KCNH5: variants seen among roughly 807,000 people sequenced by gnomAD.
KCNH5 encodes the protein potassium voltage-gated channel subfamily H member 5, also known as voltage-gated delayed rectifier potassium channel KCNH5.
KCNH5 carries 46 observed loss-of-function variants against 96.1 expected under a neutral mutation model. That is an observed-to-expected ratio of 0.48 (90% confidence interval 0.38 to 0.61). The LOEUF (loss-of-function observed/expected upper bound fraction) is 0.61, where lower values mean the gene tolerates loss of function less well. Among genes scored for constraint, KCNH5 ranks in the 20% least tolerant of loss-of-function variants. The probability of loss-of-function intolerance (pLI) is 0.00; values close to 1 mark genes in which losing one functional copy is unlikely to be tolerated. For missense variants in KCNH5, 907 were observed against 1,225.8 expected, an observed-to-expected ratio of 0.74 and a Z score of 3.88; for synonymous variants, 439 against 449.8, an observed-to-expected ratio of 0.98 and a Z score of 0.30.
rs540480282 is a variant in KCNH5 at position 63,026,110 on chromosome 14, A to G, written c.74-9156T>C. On this transcript the variant is annotated intron_variant, in intron 1 of 10. Coordinates refer to ENST00000322893, the MANE Select transcript of KCNH5 (RefSeq NM_139318.5). ...GCAAAGATACCAAAAACATACAATG[A>G]GGAAAGGGCAATCTCTTCAATCAAG... is the stretch of plus-strand genomic sequence containing the variant. Among the ~76,000 whole-genome samples, 8 of 152,166 alleles carry G rather than the reference A, an allele frequency of 5.3e-5. No homozygotes were observed. The South Asian group carries it at 1.7e-3, about 32-fold the overall frequency.
At chr14:62,852,341 T>A (rs1301093201) in intron 7 of KCNH5, among the ~76,000 whole-genome samples, 1 of 152,218 alleles carries the variant, frequency 6.6e-6, no homozygotes, top group African/African-American at 2.4e-5. Flanking sequence ...CATTTTCATG[T>A]GAATGTAGGG....
intron 7 of KCNH5, among the ~76,000 whole-genome samples, chr14:62,929,607 T>C (rs1346294014): frequency 1.3e-5 from 2 of 152,108 alleles, no homozygotes; most frequent in South Asian, 2.1e-4. Context: ...AATGAGGACA[T>C]AGACTTTAAT....
chr14:62,726,896 G>T (rs1298743908), intron 10 of KCNH5, among the ~76,000 whole-genome samples: 2 of 152,182 alleles, frequency 1.3e-5, no homozygotes, highest in African/African-American at 4.8e-5. Context: ...AGTGTATTCA[G>T]TTGGTACAAA....
intron 10 of KCNH5, among the ~76,000 whole-genome samples, chr14:62,740,943 C>G (rs1295352339): frequency 6.6e-6 from 1 of 152,102 alleles, no homozygotes; most frequent in African/African-American, 2.4e-5. Context: ...GTTAACTAAA[C>G]TTACTTTGCT....
intron 7 of KCNH5, among the ~76,000 whole-genome samples, chr14:62,871,774 G>A (rs543123165): frequency 7.4e-4 from 112 of 152,320 alleles, no homozygotes; most frequent in Non-Finnish European, 1.2e-3. Context: ...CAGTGTGTAA[G>A]AGATGGGCTG....
chr14:62,903,416 T>A (rs943247552), intron 7 of KCNH5, among the ~76,000 whole-genome samples: 1 of 152,208 alleles, frequency 6.6e-6, no homozygotes, highest in African/African-American at 2.4e-5. Context: ...CGACTGTCCA[T>A]TTTGAAGCAA....
chr14:62,846,319 C>A (rs1887690565), intron 8 of KCNH5, among the ~76,000 whole-genome samples: 1 of 152,070 alleles, frequency 6.6e-6, no homozygotes, highest in Admixed American at 6.5e-5. Context: ...AGGTAATTAA[C>A]CTTTCACTTG....
At chr14:62,900,202 A>G (rs766356134) in intron 7 of KCNH5, among the ~76,000 whole-genome samples, 4 of 152,242 alleles carry the variant, frequency 2.6e-5, no homozygotes, top group Non-Finnish European at 5.9e-5. Flanking sequence ...ATAATTGTCA[A>G]CAATTAGGAA....
intron 4 of KCNH5, among the ~76,000 whole-genome samples, chr14:62,999,238 C>T (rs542105650): frequency 5.0e-4 from 76 of 152,192 alleles, no homozygotes; most frequent in African/African-American, 1.6e-3. Flanking sequence ...CTAACTGGTG[C>T]GAGATGGTAT....
At chr14:62,937,477 C>A (rs1005511344) in intron 7 of KCNH5, among the ~76,000 whole-genome samples, 1 of 152,154 alleles carries the variant, frequency 6.6e-6, no homozygotes, top group Non-Finnish European at 1.5e-5. Flanking sequence ...GGTTTGCACC[C>A]TTGGCCACCC....
chr14:62,897,858 G>A (rs1242918993), intron 7 of KCNH5, among the ~76,000 whole-genome samples: 1 of 152,082 alleles, frequency 6.6e-6, no homozygotes, highest in African/African-American at 2.4e-5. Flanking sequence ...TGAGGGGGAG[G>A]GGTGGTAATT....
intron 7 of KCNH5, among the ~76,000 whole-genome samples, chr14:62,895,384 G>A (rs940433194): frequency 3.3e-5 from 5 of 151,504 alleles, no homozygotes; most frequent in Non-Finnish European, 5.9e-5. Flanking sequence ...AGGCTGGAGT[G>A]CAATGGCATA....
At chr14:62,833,821 T>G (rs1378991936) in intron 8 of KCNH5, among the ~76,000 whole-genome samples, 1 of 152,050 alleles carries the variant, frequency 6.6e-6, no homozygotes, top group African/African-American at 2.4e-5. Context: ...CTTTATCATA[T>G]ATAAAATCTC....
chr14:62,905,828 T>C (rs1889016429), intron 7 of KCNH5, among the ~76,000 whole-genome samples: 1 of 152,200 alleles, frequency 6.6e-6, no homozygotes. Context: ...TTCAACGCCA[T>C]GATAAAAGAG....
chr14:62,999,516 T>C (rs996137362), intron 4 of KCNH5, among the ~76,000 whole-genome samples: 4 of 151,894 alleles, frequency 2.6e-5, no homozygotes, highest in African/African-American at 9.7e-5. Flanking sequence ...ATACACACCA[T>C]GGAATACTAT....
intron 7 of KCNH5, among the ~76,000 whole-genome samples, chr14:62,860,415 C>G (rs191269265): frequency 1.1e-4 from 16 of 152,300 alleles, no homozygotes; most frequent in Non-Finnish European, 2.4e-4. Flanking sequence ...AGTACACTTG[C>G]CTTGCTTACA....
At chr14:62,711,005 A>T (rs1036402809) in intron 10 of KCNH5, among the ~76,000 whole-genome samples, 4 of 152,170 alleles carry the variant, frequency 2.6e-5, no homozygotes, top group Admixed American at 6.5e-5. Context: ...CCATGCAGAG[A>T]CTATAATGAA....
At chr14:62,728,531 T>G (rs1172790652) in intron 10 of KCNH5, among the ~76,000 whole-genome samples, 2 of 152,204 alleles carry the variant, frequency 1.3e-5, no homozygotes, top group Non-Finnish European at 2.9e-5. Flanking sequence ...GGTTTAAAGC[T>G]AAAATATAAT....
chr14:62,961,664 T>C (rs998835009), intron 6 of KCNH5, among the ~76,000 whole-genome samples: 1 of 151,972 alleles, frequency 6.6e-6, no homozygotes, highest in Non-Finnish European at 1.5e-5. Flanking sequence ...TAACAGGACA[T>C]GATGGACATG....
Sources: allele counts gnomAD v4.1 joint callset (sites outside exome capture counted in the v4.1 genomes callset), GRCh38; gene constraint gnomAD v4.1.1; transcripts MANE v1.5; gene names NCBI Gene and HGNC (gene_info 2026-07-23, HGNC 2026-07-21).